The following VRK2 variants were observed in gnomAD, a reference collection of about 807,000 sequenced individuals.
VRK2 encodes VRK serine/threonine kinase 2.
In VRK2, 60 loss-of-function variants were observed where a neutral mutation model predicts 57.6. The ratio of observed to expected loss-of-function variants is 1.04; its 90% confidence interval spans 0.85 to 1.29. VRK2 has a LOEUF of 1.29. Ranked by LOEUF, VRK2 falls within the 50% of genes most tolerant of loss-of-function variation. The pLI is 0.00. For missense variants in VRK2, 705 were observed against 588.1 expected (o/e 1.20, Z -2.06); for synonymous variants, 231 against 199.2 (o/e 1.16, Z -1.35).
chr2:57,994,156 C>T (rs988093513), intron 1 of VRK2, among the ~76,000 whole-genome samples: 3 of 152,068 alleles, frequency 2.0e-5, no homozygotes, highest in African/African-American at 7.2e-5. Flanking sequence ...TTAAAGAAAA[C>T]TTTATGGTCA....
chr2:58,064,504 G>GT (rs1317044784), intron 2 of VRK2, among the ~76,000 whole-genome samples: 1 of 152,086 alleles, frequency 6.6e-6, no homozygotes, highest in Non-Finnish European at 1.5e-5. Flanking sequence ...CATGTACGTT[G>GT]TTTTTTAAAA....
chr2:58,136,803 G>C (rs1680101748), intron 10 of VRK2, among the ~76,000 whole-genome samples: 1 of 140,104 alleles, frequency 7.1e-6, no homozygotes, highest in Admixed American at 7.2e-5. Flanking sequence ...TCATATATAT[G>C]TGTATATATA....
chr2:58,133,949 T>A (rs927081477), intron 9 of VRK2, among the ~76,000 whole-genome samples: 3 of 152,188 alleles, frequency 2.0e-5, no homozygotes, highest in African/African-American at 7.2e-5. Flanking sequence ...AGTTAAAGCA[T>A]TTATATTATA....
chr2:58,139,319 A>G (rs1680989108), intron 10 of VRK2, among the ~76,000 whole-genome samples: 1 of 152,126 alleles, frequency 6.6e-6, no homozygotes, highest in Non-Finnish European at 1.5e-5. Flanking sequence ...AGTGTGAAGT[A>G]TGGTCAGTTG....
At chr2:58,021,364 T>C (rs1315832460) in intron 1 of VRK2, among the ~76,000 whole-genome samples, 3 of 152,138 alleles carry the variant, frequency 2.0e-5, no homozygotes, top group Non-Finnish European at 2.9e-5. Context: ...TGGGCTTACA[T>C]CCCTTCATAT....
intron 7 of VRK2, among the ~76,000 whole-genome samples, chr2:58,104,822 A>G (rs1346512768): frequency 1.3e-5 from 2 of 152,036 alleles, no homozygotes; most frequent in East Asian, 1.9e-4. Flanking sequence ...CTGCAAGGCT[A>G]TAGTAACCAA....
At chr2:57,940,123 T>G (rs2717034) in intron 1 of VRK2, among the ~76,000 whole-genome samples, 95,696 of 151,490 alleles carry the variant, frequency 0.63, 30,308 homozygotes, top group African/African-American at 0.7. Flanking sequence ...AGATTATATA[T>G]AGAGAGATTT....
chr2:58,052,262 A>C (rs1168179714), intron 2 of VRK2, among the ~76,000 whole-genome samples: 1 of 152,218 alleles, frequency 6.6e-6, no homozygotes, highest in Non-Finnish European at 1.5e-5. Flanking sequence ...CTTGGTAAGC[A>C]TTTAATAAAT....
intron 4 of VRK2, 60 bp downstream of exon 4, chr2:58,085,010 A>G: frequency 6.8e-7 from 1 of 1,472,424 alleles, no homozygotes; most frequent in Non-Finnish European, 9.1e-7. Flanking sequence ...GTGAGTGTTG[A>G]TATTTTGGTC....
chr2:58,078,007 G>A (rs1000835359), intron 2 of VRK2, among the ~76,000 whole-genome samples: 4 of 152,020 alleles, frequency 2.6e-5, no homozygotes, highest in African/African-American at 7.2e-5. Context: ...TTGGTAGCCC[G>A]TAAGGCTGCA....
chr2:57,952,072 TAA>T (rs754757102), intron 1 of VRK2, among the ~76,000 whole-genome samples: 6 of 151,778 alleles, frequency 4.0e-5, no homozygotes, highest in Non-Finnish European at 7.4e-5. Context: ...ATTTTAAAAT[TAA>T]GACATATATA....
chr2:58,095,013 G>T (rs912501661), intron 7 of VRK2, among the ~76,000 whole-genome samples: 4 of 152,118 alleles, frequency 2.6e-5, no homozygotes, highest in Non-Finnish European at 5.9e-5. Context: ...AGGAATACTT[G>T]TGCTGGGCGC....
chr2:58,015,541 A>C (rs1421483697), intron 1 of VRK2, among the ~76,000 whole-genome samples: 1 of 152,210 alleles, frequency 6.6e-6, no homozygotes, highest in Non-Finnish European at 1.5e-5. Flanking sequence ...GCAATCACTC[A>C]ATAAGCAAGA....
intron 7 of VRK2, among the ~76,000 whole-genome samples, chr2:58,119,285 G>T (rs1268211944): frequency 6.6e-6 from 1 of 151,212 alleles, no homozygotes; most frequent in Non-Finnish European, 1.5e-5. Flanking sequence ...ATCACTTCAG[G>T]TCAGGAGTTC....
chr2:58,159,453 T>G lies in VRK2; in HGVS notation c.1287T>G (p.Phe429Leu). The change falls in exon 13 of 13, where the codon TTT becomes TTG. Residue 429 changes from phenylalanine to leucine, a missense_variant. Transcript: ENST00000340157. Reference protein sequence around the residue: ...KISYTQFPNSFYEPHQDFTSP... With the variant: ...KISYTQFPNSLYEPHQDFTSP... ...GCTATACACAATTCCCAAACTCATT[T>G]TATGAGCCTCATCAAGATTTTACCA... 1 of 1,613,696 alleles carries G rather than the reference T, an allele frequency of 6.2e-7. No homozygotes were observed. Among genetic ancestry groups the G allele is most frequent in the Admixed American group, 1.7e-5 (1 of 59,974 alleles).
intron 1 of VRK2, among the ~76,000 whole-genome samples, chr2:58,017,501 C>G (rs746916301): frequency 6.6e-6 from 1 of 152,186 alleles, no homozygotes; most frequent in Non-Finnish European, 1.5e-5. Flanking sequence ...GGGCAATTTT[C>G]TCCGCTGGGG....
rs1199262506 is a variant in VRK2, at chr2:58,049,046, G to A, written c.136+79G>A. ...GATTACTTAGTGGTATTTTAAGAATGGAAATATGGAATTCATATGTGTACT... is the reference window on the plus strand; with the variant it reads ...GATTACTTAGTGGTATTTTAAGAATAGAAATATGGAATTCATATGTGTACT... On this transcript the variant is annotated intron_variant, in intron 2 of 12. Coordinates refer to ENST00000340157, the MANE Select transcript of VRK2 (RefSeq NM_006296.7). 4 of 1,488,100 alleles carry A rather than the reference G, an allele frequency of 2.7e-6. No individual in the cohort carries two copies. In the African/African-American group the frequency reaches 4.3e-5, roughly 16 times the overall value. The allele number at this position is 1,488,100 out of a possible 1,614,324, so 92.2% of individuals were successfully genotyped here.
In VRK2 at chr2:58,146,309, C is replaced by A; in HGVS notation, c.1024-7C>A. 2 of 1,604,492 alleles carry A rather than the reference C, an allele frequency of 1.2e-6. No individual in the cohort carries two copies. Among genetic ancestry groups the A allele is most frequent in the Non-Finnish European group, 1.7e-6 (2 of 1,175,146 alleles). Reference sequence around the variant, plus strand: ...ATTATATATTATTACTTACTCTATACCAACAGGTTGATTCACAAAAGGCTG... The same window carrying A: ...ATTATATATTATTACTTACTCTATAACAACAGGTTGATTCACAAAAGGCTG... On this transcript the variant is annotated splice_polypyrimidine_tract_variant and splice_region_variant and intron_variant, in intron 11 of 12. Coordinates refer to ENST00000340157, the MANE Select transcript of VRK2 (RefSeq NM_006296.7).
intron 1 of VRK2, among the ~76,000 whole-genome samples, chr2:57,998,947 A>C (rs1162011473): frequency 6.6e-6 from 1 of 152,186 alleles, no homozygotes; most frequent in East Asian, 1.9e-4. Flanking sequence ...ATCAAAATAT[A>C]GACTTTACTT....
Sources: gnomAD v4.1 joint callset for allele counts (sites outside exome capture counted in the v4.1 genomes callset) on GRCh38, gnomAD v4.1.1 for gene constraint, MANE v1.5 for transcripts, NCBI Gene and HGNC (gene_info 2026-07-23, HGNC 2026-07-21) for gene names.